HTR2A: variants seen among roughly 807,000 people sequenced by gnomAD.
The protein encoded by HTR2A is 5-hydroxytryptamine receptor 2A.
In HTR2A, 14 loss-of-function variants were observed where a neutral mutation model predicts 31.0. The ratio of observed to expected loss-of-function variants is 0.45; its 90% CI spans 0.30 to 0.71. HTR2A has a LOEUF of 0.71. HTR2A is among the 30% of genes least tolerant of loss of function. The pLI, the probability that HTR2A is intolerant of heterozygous loss-of-function variation, is 0.09. For synonymous variants in HTR2A, 209 were observed against 225.2 expected (o/e 0.93, Z 0.64); for missense variants, 442 against 573.3 (o/e 0.77, Z 2.34).
chr13:46,835,803 G>T (rs1353045066), intron 3 of HTR2A, among the ~76,000 whole-genome samples, 164 bp from the exon 4 acceptor site: 1 of 152,108 alleles, frequency 6.6e-6, no homozygotes, highest in Non-Finnish European at 1.5e-5. Context: ...TATGTGTTTT[G>T]TAAGTATATA....
chr13:46,880,779 C>T lies in HTR2A; in HGVS notation c.613+11611G>A, dbSNP rs180971574. 1.7e-3 allele frequency among the ~76,000 whole-genome samples: 251 copies of T among 152,052 alleles called. 2 individuals carry two copies. Among genetic ancestry groups the T allele is most frequent in the African/African-American group, 5.7e-3 (238 of 41,468 alleles). On this transcript the variant is annotated intron_variant, in intron 3 of 3. Transcript: ENST00000542664. ...ACTTGATCCTGGGAGGCAGAGGTTGCGGTGAGCCAAAATGGTGCCACTGCA... is the reference window on the plus strand; with the variant it reads ...ACTTGATCCTGGGAGGCAGAGGTTGTGGTGAGCCAAAATGGTGCCACTGCA...
At chr13:46,881,884 AT>A (rs1309929581) in intron 3 of HTR2A, among the ~76,000 whole-genome samples, 1 of 152,004 alleles carries the variant, frequency 6.6e-6, no homozygotes, top group Non-Finnish European at 1.5e-5. Flanking sequence ...CAGTTGATTT[AT>A]TTTTTCAAGC....
At chr13:46,842,365 T>G (rs1024318693) in intron 3 of HTR2A, among the ~76,000 whole-genome samples, 1 of 152,182 alleles carries the variant, frequency 6.6e-6, no homozygotes, top group Non-Finnish European at 1.5e-5. Context: ...GGGGCAGATT[T>G]TGGAGTGATT....
intron 3 of HTR2A, chr13:46,852,025 A>G (rs1566304255): frequency 6.6e-6 from 1 of 152,264 alleles, no homozygotes; most frequent in Non-Finnish European, 1.5e-5. Flanking sequence ...AAGTGATTCA[A>G]TAAGAGCAGG....
intron 3 of HTR2A, among the ~76,000 whole-genome samples, chr13:46,865,107 G>A (rs1950809227): frequency 6.6e-6 from 1 of 152,136 alleles, no homozygotes; most frequent in Non-Finnish European, 1.5e-5. Context: ...TGTCAACACT[G>A]ATTCTCCTTC....
chr13:46,875,023 A>C (rs1455367833), intron 3 of HTR2A, among the ~76,000 whole-genome samples: 1 of 152,232 alleles, frequency 6.6e-6, no homozygotes, highest in Non-Finnish European at 1.5e-5. Context: ...AAGATGGATT[A>C]ATTGGTCTAT....
chr13:46,845,565 T>G (rs1380045806), intron 3 of HTR2A, among the ~76,000 whole-genome samples: 1 of 150,898 alleles, frequency 6.6e-6, no homozygotes, highest in African/African-American at 2.4e-5. Flanking sequence ...TTGAGGAATT[T>G]GAGGGGAAGG....
Position 46,867,591 on chromosome 13 carries a change from C to A in HTR2A, c.613+24799G>T, listed in dbSNP as rs116067276. ...GATTTTTGAATAGTGAATAATCTTT[C>A]AAGATGGAGATAGTGTCTCCATCTG... On this transcript the variant is annotated intron_variant, in intron 3 of 3. Transcript: ENST00000542664. 5.8e-3 allele frequency among the ~76,000 whole-genome samples: 880 copies of A among 152,340 alleles called. 8 individuals carry two copies. Among genetic ancestry groups the A allele is most frequent in the African/African-American group, 0.02 (838 of 41,582 alleles).
At chr13:46,844,570 C>T (rs1950625163) in intron 3 of HTR2A, among the ~76,000 whole-genome samples, 1 of 152,156 alleles carries the variant, frequency 6.6e-6, no homozygotes, top group Non-Finnish European at 1.5e-5. Flanking sequence ...GAACATGGTG[C>T]CTAGTGAGAA....
In HTR2A at chr13:46,895,793, G is replaced by A; in HGVS notation, c.114C>T (p.Asn38=). ...CTGTCCAGTTAAATGCATCAGAAGT[G>A]TTAGCTTCTCCGGAGTTAAAGTCAT... ...YSNDFNSGEA[N]TSDAFNWTVD... is the part of the protein sequence containing the mutation. The change falls in exon 2 of 4, where the codon AAC becomes AAT. Residue 38 remains asparagine (N), a synonymous_variant. Coordinates refer to ENST00000542664, the MANE Select transcript of HTR2A (RefSeq NM_000621.5). The surrounding 1 kb of genome is among the most constrained non-coding windows in gnomAD (Gnocchi z 4.4). 1 of 1,614,040 alleles carries A rather than the reference G, an allele frequency of 6.2e-7. No individual in the cohort carries two copies. Among genetic ancestry groups the A allele is most frequent in the South Asian group, 1.1e-5 (1 of 91,078 alleles).
At chr13:46,855,708 G>A (rs1417783195) in intron 3 of HTR2A, among the ~76,000 whole-genome samples, 1 of 152,152 alleles carries the variant, frequency 6.6e-6, no homozygotes, top group Non-Finnish European at 1.5e-5. Flanking sequence ...ACCGAGAAAA[G>A]TAAGTACTGC....
intron 3 of HTR2A, among the ~76,000 whole-genome samples, chr13:46,887,079 C>T (rs1951011649): frequency 6.6e-6 from 1 of 152,106 alleles, no homozygotes; most frequent in Non-Finnish European, 1.5e-5. Context: ...GCAGTATCAA[C>T]AAAACACCCA....
At chr13:46,839,174 G>A (rs1044261265) in intron 3 of HTR2A, among the ~76,000 whole-genome samples, 1 of 152,104 alleles carries the variant, frequency 6.6e-6, no homozygotes, top group African/African-American at 2.4e-5. Flanking sequence ...TAATTTGGAA[G>A]TGGAGAATCA....
chr13:46,874,289 G>C (rs1374004965), intron 3 of HTR2A, among the ~76,000 whole-genome samples: 1 of 152,074 alleles, frequency 6.6e-6, no homozygotes, highest in Non-Finnish European at 1.5e-5. Flanking sequence ...GCTATACTTC[G>C]CCAAGTAAGG....
chr13:46,881,635 G>A (rs1176696242), intron 3 of HTR2A, among the ~76,000 whole-genome samples: 1 of 152,206 alleles, frequency 6.6e-6, no homozygotes, highest in Non-Finnish European at 1.5e-5. Flanking sequence ...TCTCCCAGAA[G>A]TGGAAGTGAG....
chr13:46,837,206 G>T (rs577879030), intron 3 of HTR2A, among the ~76,000 whole-genome samples: 1 of 152,178 alleles, frequency 6.6e-6, no homozygotes, highest in Admixed American at 6.5e-5. Flanking sequence ...GATTCAACTG[G>T]CCATGTTGTG....
At chr13:46,881,240 C>G (rs145130690) in intron 3 of HTR2A, among the ~76,000 whole-genome samples, 1 of 152,146 alleles carries the variant, frequency 6.6e-6, no homozygotes, top group Non-Finnish European at 1.5e-5. Flanking sequence ...CACTCAGGGA[C>G]AAGAGAAGGG....
intron 3 of HTR2A, among the ~76,000 whole-genome samples, chr13:46,860,471 T>C (rs1372926322): frequency 6.6e-6 from 1 of 152,158 alleles, no homozygotes; most frequent in East Asian, 1.9e-4. Context: ...AAGGGAGGAT[T>C]GCAGAACAAT....
intron 2 of HTR2A, among the ~76,000 whole-genome samples, chr13:46,892,882 C>T (rs1354543112): frequency 2.0e-5 from 3 of 152,130 alleles, no homozygotes; most frequent in Non-Finnish European, 4.4e-5. Flanking sequence ...CCCCCTTACG[C>T]CTGGCAAAAC....
Sources: allele counts gnomAD v4.1 joint callset (sites outside exome capture counted in the v4.1 genomes callset), GRCh38; gene constraint gnomAD v4.1.1; non-coding constraint Gnocchi (gnomAD v3.1); transcripts MANE v1.5; gene names NCBI Gene and HGNC (gene_info 2026-07-23, HGNC 2026-07-21).